Variants in ST6GAL2 observed in about 807,000 individuals in gnomAD.
ST6GAL2 encodes the protein ST6 beta-galactoside alpha-2,6-sialyltransferase 2.
In ST6GAL2, 24 loss-of-function variants were observed where a neutral mutation model predicts 37.5. The observed-to-expected ratio is 0.64, with a 90% CI of 0.46 to 0.90. The LOEUF is 0.90. Ranked by LOEUF, ST6GAL2 falls within the 40% of genes least tolerant of loss-of-function variation. ST6GAL2 has a pLI of 0.00. For synonymous variants in ST6GAL2, 306 were observed against 295.1 expected, an observed-to-expected ratio of 1.04 and a Z score of -0.38; for missense variants, 715 against 712.7, an observed-to-expected ratio of 1.00 and a Z score of -0.04.
rs774244072 is a variant in ST6GAL2, at chr2:106,843,794, T to G, written c.184A>C (p.Met62Leu). 2 of 1,610,944 alleles carry G rather than the reference T, an allele frequency of 1.2e-6. No homozygotes were observed. Among genetic ancestry groups the G allele is most frequent in the Non-Finnish European group, 1.7e-6 (2 of 1,178,526 alleles). ...GGGGAGGGCTCATGTGCGGCGCCCA[T>G]GATGGCCCGCTGCTTCCCCTGCACC... ...LPVQGKQRAI[M>L]GAAHEPSPPG... Residue 62 changes from methionine (M) to leucine (L), a missense_variant, in exon 2 of 6, where the codon ATG (methionine) becomes CTG (leucine). Transcript: ENST00000409382.
chr2:106,813,222 A>C, intron 5 of ST6GAL2: 1 of 1,354,706 alleles, frequency 7.4e-7, no homozygotes, highest in Non-Finnish European at 9.5e-7. Flanking sequence ...TTTACAAATG[A>C]GCCTATATGA....
intron 5 of ST6GAL2, among the ~76,000 whole-genome samples, chr2:106,823,486 C>CACACACACAG (rs755735360): frequency 1.3e-3 from 153 of 117,888 alleles, no homozygotes; most frequent in East Asian, 5.7e-3. Flanking sequence ...CACACACACA[C>CACACACACAG]AGAGAGAGAG....
intron 5 of ST6GAL2, among the ~76,000 whole-genome samples, chr2:106,808,086 C>T (rs966459176): frequency 2.0e-5 from 3 of 152,104 alleles, no homozygotes; most frequent in East Asian, 1.9e-4. Flanking sequence ...TTGTTATAGC[C>T]AATATTTATC....
chr2:106,857,267 AG>A (rs1338982326), intron 1 of ST6GAL2, among the ~76,000 whole-genome samples: 38 of 152,218 alleles, frequency 2.5e-4, no homozygotes, highest in Admixed American at 2.4e-3. Flanking sequence ...TGATTTTAAT[AG>A]AAGACTTGGG....
chr2:106,872,942 C>T lies in ST6GAL2; in HGVS notation c.-58+13151G>A, dbSNP rs188434312. Among the ~76,000 whole-genome samples, 371 of 152,168 alleles carry T rather than the reference C, an allele frequency of 2.4e-3. 2 individuals are homozygous for T. Among genetic ancestry groups the T allele is most frequent in the African/African-American group, 8.1e-3 (337 of 41,526 alleles). On this transcript the variant is annotated intron_variant, in intron 1 of 5. Transcript: ENST00000409382. ...ACAGGTTCAGAGTAAGGAAAAGAGT[C>T]CTTTTAATTAACTGACATGTGCCAG...
chr2:106,823,484 C>CACACAT (rs1558683006), intron 5 of ST6GAL2, among the ~76,000 whole-genome samples: 1 of 96,438 alleles, frequency 1.0e-5, no homozygotes, highest in Non-Finnish European at 2.1e-5. Context: ...CACACACACA[C>CACACAT]ACAGAGAGAG....
intron 1 of ST6GAL2, among the ~76,000 whole-genome samples, chr2:106,848,279 G>A (rs532144433): frequency 1.3e-4 from 20 of 152,030 alleles, no homozygotes; most frequent in Non-Finnish European, 2.9e-4. Context: ...CAGTCCTATC[G>A]CTAAGGAAAT....
intron 5 of ST6GAL2, among the ~76,000 whole-genome samples, chr2:106,808,722 T>G (rs751024206): frequency 6.6e-5 from 10 of 152,180 alleles, no homozygotes; most frequent in Non-Finnish European, 1.5e-4. Context: ...CTCTCAAACA[T>G]TTTTTCTCCC....
chr2:106,845,028 G>GA lies in ST6GAL2; in HGVS notation c.-57-995dup, dbSNP rs1333583471. Among the ~76,000 whole-genome samples, 3 of 152,312 alleles carry GA rather than the reference G, an allele frequency of 2.0e-5. No homozygotes were observed. The East Asian group carries it at 5.8e-4, about 29-fold the overall frequency. On this transcript the variant is annotated intron_variant, in intron 1 of 5. Coordinates refer to ENST00000409382, the MANE Select transcript of ST6GAL2 (RefSeq NM_001142351.2). ...GAAAATAACCTAAGGTATGTTTGTG[G>GA]AATAATAACTAAGCTTGCTGGAACT...
intron 2 of ST6GAL2, among the ~76,000 whole-genome samples, chr2:106,837,081 G>C (rs545327068): frequency 8.5e-5 from 13 of 152,084 alleles, no homozygotes; most frequent in Non-Finnish European, 1.6e-4. Context: ...AATACTATCA[G>C]TTATTTTCCT....
intron 1 of ST6GAL2, among the ~76,000 whole-genome samples, chr2:106,862,964 G>A (rs1179418703): frequency 6.7e-6 from 1 of 150,066 alleles, no homozygotes; most frequent in Non-Finnish European, 1.5e-5. Context: ...AGAATCATGA[G>A]TGCATTGCTT....
intron 1 of ST6GAL2, among the ~76,000 whole-genome samples, chr2:106,861,636 C>CTT (rs1013434378): frequency 7.0e-6 from 1 of 143,758 alleles, no homozygotes; most frequent in Non-Finnish European, 1.5e-5. Flanking sequence ...TTCTTTTTTT[C>CTT]TTTTTTTTTT....
At chr2:106,884,648 G>A (rs1231371647) in intron 1 of ST6GAL2, among the ~76,000 whole-genome samples, 1 of 152,076 alleles carries the variant, frequency 6.6e-6, no homozygotes, top group Non-Finnish European at 1.5e-5. Flanking sequence ...ATTGGATAGA[G>A]TGCCTTTTTA....
intron 1 of ST6GAL2, among the ~76,000 whole-genome samples, chr2:106,860,017 G>A (rs1677734904): frequency 6.6e-6 from 1 of 151,996 alleles, no homozygotes; most frequent in Admixed American, 6.6e-5. Context: ...CACAGCTCCT[G>A]GCCATTTGCT....
intron 5 of ST6GAL2, chr2:106,813,235 G>T: frequency 3.0e-6 from 4 of 1,328,136 alleles, no homozygotes; most frequent in South Asian, 2.3e-5. Flanking sequence ...CTATATGAGG[G>T]ATTCATTTGA....
intron 5 of ST6GAL2, 36 bp downstream of exon 5, chr2:106,830,029 GC>G: frequency 1.3e-6 from 2 of 1,578,566 alleles, no homozygotes; most frequent in South Asian, 1.1e-5. Context: ...CATCCTGTCT[GC>G]CCCCCAATCA....
intron 5 of ST6GAL2, among the ~76,000 whole-genome samples, chr2:106,807,840 G>T (rs1245400578): frequency 4.0e-5 from 6 of 151,862 alleles, no homozygotes; most frequent in African/African-American, 1.5e-4. Flanking sequence ...TAGCCAGGAT[G>T]GTCTCAATCT....
intron 1 of ST6GAL2, among the ~76,000 whole-genome samples, chr2:106,868,065 C>A (rs763244272): frequency 6.6e-6 from 1 of 152,156 alleles, no homozygotes; most frequent in Non-Finnish European, 1.5e-5. Context: ...CTAGACATGA[C>A]GCCAATTCTA....
chr2:106,873,030 C>T (rs906744424), intron 1 of ST6GAL2, among the ~76,000 whole-genome samples: 1 of 152,202 alleles, frequency 6.6e-6, no homozygotes, highest in Non-Finnish European at 1.5e-5. Context: ...CAAAATAAAA[C>T]TAAACAAAAC....
Sources: allele counts gnomAD v4.1 joint callset (sites outside exome capture counted in the v4.1 genomes callset), GRCh38; gene constraint gnomAD v4.1.1; transcripts MANE v1.5; gene names NCBI Gene and HGNC (gene_info 2026-07-23, HGNC 2026-07-21).